KIF26B: variants seen among roughly 807,000 people sequenced by gnomAD.
The protein encoded by KIF26B is kinesin-like protein KIF26B.
Under a neutral mutation model 151.2 loss-of-function variants are expected in KIF26B, and 63 were observed. The ratio of observed to expected loss-of-function variants is 0.42; its 90% CI spans 0.34 to 0.51. The LOEUF is 0.51. Among genes scored for constraint, KIF26B ranks in the 20% least tolerant of loss-of-function variants. KIF26B has a pLI of 0.07. For missense variants in KIF26B, 2,813 were observed against 2,913.6 expected (o/e 0.97, Z 0.79); for synonymous variants, 1,357 against 1,262.1 (o/e 1.08, Z -1.59).
Position 245,516,210 on chromosome 1 carries a change from A to C in KIF26B, c.1167-24557A>C, listed in dbSNP as rs1164205189. 7.2e-5 allele frequency among the ~76,000 whole-genome samples: 11 copies of C among 152,104 alleles called. No homozygotes were observed. Among genetic ancestry groups the C allele is most frequent in the Non-Finnish European group, 1.2e-4 (8 of 68,028 alleles). On this transcript the variant is annotated intron_variant, in intron 4 of 14. Coordinates refer to ENST00000407071, the MANE Select transcript of KIF26B (RefSeq NM_018012.4). The surrounding 1 kb of genome is among the most constrained non-coding windows in gnomAD (Gnocchi z 4.2). ...ATCCTTTTTATCAGCAGAATGGTAC[A>C]TTTCCCATAGCAATGCTTGAACTCT...
intron 5 of KIF26B, among the ~76,000 whole-genome samples, chr1:245,553,688 G>T (rs1572122946): frequency 6.6e-6 from 1 of 152,160 alleles, no homozygotes; most frequent in East Asian, 1.9e-4. Flanking sequence ...GAAAAACCAT[G>T]ATCCTTTAGC....
At chr1:245,321,760 C>T (rs577416734) in intron 2 of KIF26B, among the ~76,000 whole-genome samples, 18 of 152,310 alleles carry the variant, frequency 1.2e-4, no homozygotes, top group South Asian at 6.2e-4. Flanking sequence ...GCTCTAAAAC[C>T]GAGGCCTGGA....
chr1:245,337,866 T>C (rs553882502), intron 2 of KIF26B, among the ~76,000 whole-genome samples: 34 of 152,352 alleles, frequency 2.2e-4, no homozygotes, highest in African/African-American at 4.3e-4. Context: ...AAGAAACTTA[T>C]CACCCTTCGC....
chr1:245,696,971 C>T (rs1190237717), intron 12 of KIF26B, among the ~76,000 whole-genome samples: 2 of 152,098 alleles, frequency 1.3e-5, no homozygotes, highest in Non-Finnish European at 1.5e-5. Context: ...ATTAGCCGTG[C>T]GTGGTAGCGG....
intron 4 of KIF26B, among the ~76,000 whole-genome samples, chr1:245,474,193 C>T (rs1659978976): frequency 6.7e-6 from 1 of 149,234 alleles, no homozygotes; most frequent in Non-Finnish European, 1.5e-5. Context: ...ACTGCAACCT[C>T]TGCCTCCCGG....
At chr1:245,696,962 T>G (rs1182280527) in intron 12 of KIF26B, among the ~76,000 whole-genome samples, 2 of 152,072 alleles carry the variant, frequency 1.3e-5, no homozygotes, top group African/African-American at 4.8e-5. Context: ...ATACAAAAAA[T>G]TAGCCGTGCG....
chr1:245,688,223 G>T lies in KIF26B; in HGVS notation c.5240G>T (p.Gly1747Val). 1 of 1,587,676 alleles carries T rather than the reference G, an allele frequency of 6.3e-7. No individual in the cohort carries two copies. The highest frequency in any genetic ancestry group is 1.1e-5 in the South Asian group (1 of 90,222). The change falls in exon 12 of 15, where the codon GGC becomes GTC. Residue 1747 changes from glycine to valine, a missense_variant. This residue lies in a region of KIF26B where 2,060 missense variants were observed against 2,088.6 expected (regional missense o/e 0.99). Coordinates refer to ENST00000407071, the MANE Select transcript of KIF26B (RefSeq NM_018012.4). Reference sequence around the variant, plus strand: ...CTCCTGGCCAGCCCCAGAGCGCGCGGCCCGTCCGCCTCCACCACCAAAACC... The same window carrying T: ...CTCCTGGCCAGCCCCAGAGCGCGCGTCCCGTCCGCCTCCACCACCAAAACC... ...RLLLASPRAR[G>V]PSASTTKTLS...
intron 4 of KIF26B, among the ~76,000 whole-genome samples, chr1:245,521,909 AGGCT>A (rs1253999281): frequency 6.9e-6 from 1 of 145,646 alleles, no homozygotes; most frequent in Non-Finnish European, 1.6e-5. Context: ...TCTGTCACCC[AGGCT>A]GGATGGAGTG....
At chr1:245,542,382 C>T (rs1210432598) in intron 5 of KIF26B, among the ~76,000 whole-genome samples, 1 of 152,224 alleles carries the variant, frequency 6.6e-6, no homozygotes, top group African/African-American at 2.4e-5. Flanking sequence ...AGCAGTGCCT[C>T]CTCTGAGGGG....
At chr1:245,285,478 T>C (rs1471419952) in intron 2 of KIF26B, among the ~76,000 whole-genome samples, 2 of 152,172 alleles carry the variant, frequency 1.3e-5, no homozygotes, top group African/African-American at 2.4e-5. Flanking sequence ...GGGAAATTGC[T>C]TTCCTTTACC....
At chr1:245,485,952 T>C (rs1660272096) in intron 4 of KIF26B, among the ~76,000 whole-genome samples, 1 of 152,234 alleles carries the variant, frequency 6.6e-6, no homozygotes, top group Non-Finnish European at 1.5e-5. Flanking sequence ...TAAATATGAG[T>C]ATTTTTCGTG....
At chr1:245,650,914 G>A (rs1286865617) in intron 10 of KIF26B, among the ~76,000 whole-genome samples, 1 of 152,176 alleles carries the variant, frequency 6.6e-6, no homozygotes, top group East Asian at 1.9e-4. Flanking sequence ...CCTCTCACGG[G>A]TTTGGTCTAT....
Position 245,539,317 on chromosome 1 carries a change from T to C in KIF26B, c.1167-1450T>C, listed in dbSNP as rs190258250. Among the ~76,000 whole-genome samples, 15 of 152,312 alleles carry C rather than the reference T, an allele frequency of 9.8e-5. No individual in the cohort carries two copies. In the East Asian group the frequency reaches 2.5e-3, roughly 25 times the overall value. ...AATTAAAACCAGCTATCCCAGACCA[T>C]TGAAGGAGACCGGGGTCGGGGAGGG... On this transcript the variant is annotated intron_variant, in intron 4 of 14. Coordinates refer to ENST00000407071, the MANE Select transcript of KIF26B (RefSeq NM_018012.4).
chr1:245,646,392 AT>A, intron 10 of KIF26B, 112 bp downstream of exon 10: 1 of 1,168,532 alleles, frequency 8.6e-7, no homozygotes, highest in Non-Finnish European at 1.2e-6. Context: ...GGACCCCATT[AT>A]AAGTTCAGTG....
At chr1:245,157,915 C>G (rs1668472868) in intron 2 of KIF26B, among the ~76,000 whole-genome samples, 1 of 152,244 alleles carries the variant, frequency 6.6e-6, no homozygotes. Context: ...ATTTTCTACT[C>G]CATCCGAGGC....
chr1:245,698,238 C>T lies in KIF26B; in HGVS notation c.5957C>T (p.Pro1986Leu). The T allele has an allele frequency of 1.2e-6, 2 of 1,613,824 alleles. No individual in the cohort carries two copies. The highest frequency in any genetic ancestry group is 2.2e-5 in the East Asian group (1 of 44,862). ...LRSSPRGLGE[P>L]FEIKVYEIDD... ...AGCAGCCCGAGGGGCCTTGGGGAAC[C>T]CTTTGAGATTAAAGTCTATGAAATC... is the stretch of plus-strand genomic sequence containing the variant. Residue 1986 changes from proline to leucine, a missense_variant, in exon 13 of 15, where the codon CCC becomes CTC. Physicochemically the swap from Pro to Leu is moderately conservative, Grantham distance 98. Around this residue, in one of 3 missense-constraint regions of KIF26B, gnomAD observed 2,060 missense variants for 2,088.6 expected, o/e 0.99. Coordinates refer to ENST00000407071, the MANE Select transcript of KIF26B (RefSeq NM_018012.4). This position sits in a 1 kb window ranked among gnomAD's most constrained non-coding sequence, Gnocchi z 4.0.
intron 2 of KIF26B, among the ~76,000 whole-genome samples, chr1:245,200,518 T>G (rs1433193041): frequency 6.6e-6 from 1 of 152,206 alleles, no homozygotes; most frequent in Non-Finnish European, 1.5e-5. Flanking sequence ...TATATGGAAA[T>G]GTACATGTAT....
At chr1:245,448,209 T>G (rs1381373929) in intron 4 of KIF26B, among the ~76,000 whole-genome samples, 3 of 152,200 alleles carry the variant, frequency 2.0e-5, no homozygotes, top group Non-Finnish European at 4.4e-5. Context: ...ATGTTTTTTT[T>G]GTTGTTGTTT....
chr1:245,698,452 T>C lies in KIF26B; in HGVS notation c.6027+144T>C. 5.6e-6 allele frequency: 4 copies of C among 713,238 alleles called. No individual in the cohort carries two copies. The highest frequency in any genetic ancestry group is 9.2e-6 in the Non-Finnish European group (4 of 435,314). The allele number at this position is 713,238 out of a possible 1,614,324, so 44.2% of individuals were successfully genotyped here. ...CTGGCATGGGTGGTGGGAAGGGGGCTTCTGTCCCAGCAAAGGGCCTTTGGA... is the reference window on the plus strand; with the variant it reads ...CTGGCATGGGTGGTGGGAAGGGGGCCTCTGTCCCAGCAAAGGGCCTTTGGA... On this transcript the variant is annotated intron_variant, in intron 13 of 14. Transcript: ENST00000407071. This position sits in a 1 kb window ranked among gnomAD's most constrained non-coding sequence, Gnocchi z 4.0.
Sources: gnomAD v4.1 joint callset for allele counts (sites outside exome capture counted in the v4.1 genomes callset) on GRCh38, gnomAD v4.1.1 for gene constraint, gnomAD v4.1.1 regional missense constraint, Gnocchi (gnomAD v3.1) non-coding constraint, MANE v1.5 for transcripts, NCBI Gene and HGNC (gene_info 2026-07-23, HGNC 2026-07-21) for gene names.